The following ITGA8 variants were observed in gnomAD, a reference collection of about 807,000 sequenced individuals.
ITGA8 encodes the protein integrin subunit alpha 8.
ITGA8 carries 91 observed loss-of-function variants against 142.3 expected under a neutral mutation model. The observed-to-expected ratio is 0.64, with a 90% CI of 0.54 to 0.76. The LOEUF is 0.76. Among genes scored for constraint, ITGA8 ranks in the 30% least tolerant of loss-of-function variants. The probability of loss-of-function intolerance (pLI) is 0.00; values close to 1 mark genes in which losing one functional copy is unlikely to be tolerated. For synonymous variants in ITGA8, 505 were observed against 485.2 expected, an observed-to-expected ratio of 1.04 and a Z score of -0.54; for missense variants, 1,406 against 1,327.7, an observed-to-expected ratio of 1.06 and a Z score of -0.92.
rs544271219 is a variant in ITGA8, at chr10:15,650,969, T to C, written c.1002-3918A>G. On this transcript the variant is annotated intron_variant, in intron 11 of 29. Coordinates refer to ENST00000378076, the MANE Select transcript of ITGA8 (RefSeq NM_003638.3). ...ATATATCCTGTATGAATGAACATACTTGGGCTAAATCTAGCATAAAAATAT... is the reference window on the plus strand; with the variant it reads ...ATATATCCTGTATGAATGAACATACCTGGGCTAAATCTAGCATAAAAATAT... Among the ~76,000 whole-genome samples, 56 of 152,340 alleles carry C rather than the reference T, an allele frequency of 3.7e-4. 1 individual carries two copies. The highest frequency in any genetic ancestry group is 6.8e-3 in the Middle Eastern group (2 of 294).
At chr10:15,683,547 A>G (rs1307380431) in intron 4 of ITGA8, among the ~76,000 whole-genome samples, 1 of 152,268 alleles carries the variant, frequency 6.6e-6, no homozygotes, top group Non-Finnish European at 1.5e-5. Context: ...TATCATGCAG[A>G]CAATCTGCAT....
intron 15 of ITGA8, 162 bp downstream of exon 15, chr10:15,613,498 T>C (rs1358092639): frequency 1.5e-6 from 1 of 651,602 alleles, no homozygotes; most frequent in Admixed American, 2.6e-5. Context: ...TACTCAAACT[T>C]CGGCCACAGA....
chr10:15,572,901 G>A (rs551707533), intron 24 of ITGA8, among the ~76,000 whole-genome samples: 1 of 152,248 alleles, frequency 6.6e-6, no homozygotes, highest in South Asian at 2.1e-4. Context: ...AGCTCCTTCT[G>A]TTTCCATCAG....
At chr10:15,690,216 C>T (rs780560704) in intron 2 of ITGA8, among the ~76,000 whole-genome samples, 10 of 152,198 alleles carry the variant, frequency 6.6e-5, no homozygotes, top group Non-Finnish European at 1.5e-4. Flanking sequence ...CCCGGCCTCA[C>T]AGAGCCTGGT....
intron 22 of ITGA8, among the ~76,000 whole-genome samples, chr10:15,591,772 C>T (rs1051423407): frequency 5.3e-5 from 8 of 152,182 alleles, no homozygotes; most frequent in African/African-American, 1.9e-4. Context: ...TGCATCCTGC[C>T]ACAGTGCGCA....
intron 8 of ITGA8, among the ~76,000 whole-genome samples, chr10:15,663,243 GC>G (rs1257271206): frequency 6.6e-6 from 1 of 152,098 alleles, no homozygotes; most frequent in Non-Finnish European, 1.5e-5. Context: ...CCTTGATAGT[GC>G]TTTTATTTTA....
At chr10:15,535,106 T>C (rs910418711) in intron 27 of ITGA8, among the ~76,000 whole-genome samples, 2 of 151,900 alleles carry the variant, frequency 1.3e-5, no homozygotes, top group Non-Finnish European at 1.5e-5. Context: ...GTGTGCTGGG[T>C]CCCCCAGCAG....
chr10:15,650,478 A>T (rs1834065093), intron 11 of ITGA8, among the ~76,000 whole-genome samples: 1 of 152,198 alleles, frequency 6.6e-6, no homozygotes, highest in African/African-American at 2.4e-5. Context: ...TGGAATACAG[A>T]GCTGGAATGT....
chr10:15,637,624 A>T (rs1274506524), intron 13 of ITGA8, among the ~76,000 whole-genome samples: 1 of 150,092 alleles, frequency 6.7e-6, no homozygotes, highest in Non-Finnish European at 1.5e-5. Flanking sequence ...TGATTCTCCC[A>T]CTTCAGACTC....
intron 25 of ITGA8, among the ~76,000 whole-genome samples, chr10:15,565,067 T>A (rs2131575814): frequency 6.6e-6 from 1 of 152,216 alleles, no homozygotes; most frequent in East Asian, 1.9e-4. Flanking sequence ...CATTCCAAAA[T>A]ATATGTGCAA....
chr10:15,613,727 G>A lies in ITGA8; in HGVS notation c.1486C>T (p.His496Tyr), dbSNP rs1189619081. 6.2e-6 allele frequency: 10 copies of A among 1,614,136 alleles called. No individual in the cohort carries two copies. Among genetic ancestry groups the A allele is most frequent in the Non-Finnish European group, 8.5e-6 (10 of 1,179,958 alleles). ...TTTTCAAGATTGATAATCATTGGGTGCAGCAGAAGCTGGGCATCTACAGTC... is the reference window on the plus strand; with the variant it reads ...TTTTCAAGATTGATAATCATTGGGTACAGCAGAAGCTGGGCATCTACAGTC... ...VVTVDAQLLL[H>Y]PMIINLENKT... The change falls in exon 15 of 30, where the codon CAC (histidine) becomes TAC (tyrosine). Residue 496 changes from histidine (H) to tyrosine (Y), a missense_variant. Coordinates refer to ENST00000378076, the MANE Select transcript of ITGA8 (RefSeq NM_003638.3).
chr10:15,656,670 A>AT (rs1834191481), intron 10 of ITGA8, among the ~76,000 whole-genome samples: 1 of 151,888 alleles, frequency 6.6e-6, no homozygotes, highest in African/African-American at 2.4e-5. Flanking sequence ...GCCTCTCCCC[A>AT]TTTTATCGCT....
rs539607301 is a variant in ITGA8 at position 15,516,687 on chromosome 10, C to T, written c.*471G>A. 1 of 152,584 alleles carries T rather than the reference C, an allele frequency of 6.6e-6. No individual in the cohort carries two copies. Among genetic ancestry groups the T allele is most frequent in the East Asian group, 1.9e-4 (1 of 5,190 alleles). The allele number at this position is 152,584 out of a possible 1,614,324, so 9.5% of individuals were successfully genotyped here. ...TAATGTCCTTAGAAATGTTTCTTTT[C>T]CATAGGGAGGTGTCAAATGTTCCAT... is the stretch of plus-strand genomic sequence containing the variant. On this transcript the variant is annotated 3_prime_UTR_variant, in exon 30 of 30. Transcript: ENST00000378076.
chr10:15,531,118 C>G lies in ITGA8; in HGVS notation c.2914G>C (p.Val972Leu). ...GGCATCTTCTTAACTTCAAAGGACA[C>G]CAGGGATGCAAGAGCATAGGGATCA... ...KNDPYALASL[V>L]SFEVKKMPYT... The change falls in exon 28 of 30, where the codon GTG (valine) becomes CTG (leucine). Residue 972 changes from valine (V) to leucine (L), a missense_variant. Transcript: ENST00000378076. The G allele has an allele frequency of 1.3e-6, 2 of 1,569,846 alleles. No homozygotes were observed. The highest frequency in any genetic ancestry group is 2.8e-5 in the African/African-American group (2 of 72,666).
At chr10:15,621,896 G>T (rs1335077594) in intron 13 of ITGA8, among the ~76,000 whole-genome samples, 1 of 152,100 alleles carries the variant, frequency 6.6e-6, no homozygotes, top group Non-Finnish European at 1.5e-5. Context: ...GGTGGCTCAT[G>T]CCTGTAATCC....
chr10:15,592,375 G>C (rs1355710845), intron 21 of ITGA8, 71 bp from the exon 22 acceptor site: 3 of 1,113,572 alleles, frequency 2.7e-6, no homozygotes, highest in Non-Finnish European at 4.0e-6. Flanking sequence ...AGTCATTCCT[G>C]CAAAACCCCA....
intron 28 of ITGA8, among the ~76,000 whole-genome samples, chr10:15,524,339 A>G (rs1041278013): frequency 6.6e-6 from 1 of 152,190 alleles, no homozygotes; most frequent in Non-Finnish European, 1.5e-5. Context: ...TGCAGAGGAG[A>G]TGCTTGACTC....
intron 2 of ITGA8, among the ~76,000 whole-genome samples, chr10:15,695,603 C>G (rs1323095275): frequency 6.6e-6 from 1 of 152,210 alleles, no homozygotes; most frequent in Non-Finnish European, 1.5e-5. Flanking sequence ...TTAGTGAAAA[C>G]TACTTCCAAG....
intron 23 of ITGA8, among the ~76,000 whole-genome samples, chr10:15,579,297 A>G (rs188658236): frequency 4.6e-5 from 7 of 152,210 alleles, no homozygotes; most frequent in South Asian, 2.1e-4. Context: ...GAGAAACCCA[A>G]TTTTAATGAT....
Sources: gnomAD v4.1 joint callset for allele counts (sites outside exome capture counted in the v4.1 genomes callset) on GRCh38, gnomAD v4.1.1 for gene constraint, MANE v1.5 for transcripts, NCBI Gene and HGNC (gene_info 2026-07-23, HGNC 2026-07-21) for gene names.